Variants in SLC24A4 observed in about 807,000 individuals in gnomAD.
SLC24A4 encodes sodium/potassium/calcium exchanger 4.
Under a neutral mutation model 79.0 loss-of-function variants are expected in SLC24A4, and 53 were observed. That is an observed-to-expected ratio of 0.67 (90% CI 0.54 to 0.84). The LOEUF is 0.84. Ranked by LOEUF, SLC24A4 falls within the 40% of genes least tolerant of loss-of-function variation. The pLI is 0.00. For missense variants in SLC24A4, 731 were observed against 822.0 expected (o/e 0.89, Z 1.35); for synonymous variants, 323 against 323.8 (o/e 1.00, Z 0.03).
chr14:92,418,128 T>C lies in SLC24A4; in HGVS notation c.242-15784T>C, dbSNP rs374067236. Among the ~76,000 whole-genome samples the C allele has an allele frequency of 5.3e-5, 8 of 152,342 alleles. No homozygotes were observed. The East Asian group carries it at 1.5e-3, about 29-fold the overall frequency. Reference sequence around the variant, plus strand: ...CACTAAATCCTGGCCTGAGACTTCTTGCCTTGAGGCTACTCAGGGAATAGC... The same window carrying C: ...CACTAAATCCTGGCCTGAGACTTCTCGCCTTGAGGCTACTCAGGGAATAGC... On this transcript the variant is annotated intron_variant, in intron 2 of 16. Transcript: ENST00000532405.
At chr14:92,322,861 A>G (rs4144266), upstream of SLC24A4, among the ~76,000 whole-genome samples, 49,942 of 151,802 alleles carry the variant, frequency 0.33, 10,293 homozygotes, top group East Asian at 0.5. Flanking sequence ...GACAGGAGCG[A>G]CTACACTGCA....
At chr14:92,491,855 T>A in intron 15 of SLC24A4, 78 bp downstream of exon 15, 1 of 1,159,916 alleles carries the variant, frequency 8.6e-7, no homozygotes, top group Non-Finnish European at 1.3e-6. Context: ...CCAGAGGCTC[T>A]AGGAGACGAC....
intron 4 of SLC24A4, 85 bp downstream of exon 4, chr14:92,439,494 C>A: frequency 1.6e-6 from 2 of 1,254,044 alleles, no homozygotes; most frequent in Non-Finnish European, 2.3e-6. Context: ...CCAGGGCTGG[C>A]GTGGGGAGCA....
At position 92,341,563 on chromosome 14, in the gene SLC24A4, C is replaced by T. The variant is rs117691237; in HGVS notation, c.241+15585C>T. The stretch of plus-strand genomic sequence containing the variant: ...GCAAAGAGAGCTGTGTGAACAAGAG[C>T]ACTTGAGATGGTGTTGCAGCGACTC... On this transcript the variant is annotated intron_variant, in intron 2 of 16. Coordinates refer to ENST00000532405, the MANE Select transcript of SLC24A4 (RefSeq NM_153646.4). 7.4e-4 allele frequency among the ~76,000 whole-genome samples: 112 copies of T among 152,314 alleles called. 1 individual carries two copies. In the East Asian group the frequency reaches 0.019, roughly 26 times the overall value.
chr14:92,409,946 G>A (rs1051470467), intron 2 of SLC24A4, among the ~76,000 whole-genome samples: 2 of 152,158 alleles, frequency 1.3e-5, no homozygotes, highest in African/African-American at 2.4e-5. Flanking sequence ...CGCAGGAACA[G>A]AAAACCAAAT....
At chr14:92,492,046 A>G (rs775152069) in intron 15 of SLC24A4, 129 bp from the exon 16 acceptor site, 19 of 854,720 alleles carry the variant, frequency 2.2e-5, no homozygotes, top group Non-Finnish European at 3.2e-5. Context: ...CTCCACGACC[A>G]TGTGGTCACC....
intron 2 of SLC24A4, among the ~76,000 whole-genome samples, chr14:92,405,848 T>C (rs1890345627): frequency 6.6e-6 from 1 of 152,114 alleles, no homozygotes; most frequent in African/African-American, 2.4e-5. Flanking sequence ...ATCCCACCCT[T>C]GACCCCTCCC....
At chr14:92,335,491 A>G (rs899481460) in intron 2 of SLC24A4, among the ~76,000 whole-genome samples, 1 of 151,258 alleles carries the variant, frequency 6.6e-6, no homozygotes, top group Non-Finnish European at 1.5e-5. Context: ...AATAGCTGGG[A>G]TTACAGGCAT....
At chr14:92,485,774 A>G (rs1452899313) in intron 13 of SLC24A4, among the ~76,000 whole-genome samples, 1 of 152,208 alleles carries the variant, frequency 6.6e-6, no homozygotes, top group African/African-American at 2.4e-5. Context: ...CCATATGATT[A>G]AATCAGTTCT....
intron 2 of SLC24A4, among the ~76,000 whole-genome samples, chr14:92,354,548 C>G (rs185303239): frequency 1.3e-5 from 2 of 152,166 alleles, no homozygotes; most frequent in Non-Finnish European, 2.9e-5. Context: ...GAGGAAACAG[C>G]AAGTAGGCAA....
At chr14:92,453,014 C>T (rs1468771982) in intron 10 of SLC24A4, 1 of 152,284 alleles carries the variant, frequency 6.6e-6, no homozygotes, top group Non-Finnish European at 1.5e-5. Flanking sequence ...ACTCTGCCTG[C>T]TTCTGCATGC....
chr14:92,401,378 A>G (rs1890102727), intron 2 of SLC24A4, among the ~76,000 whole-genome samples: 1 of 152,220 alleles, frequency 6.6e-6, no homozygotes. Flanking sequence ...AGCAAATGGA[A>G]GCAAAATGTC....
chr14:92,393,417 C>T (rs1217154135), intron 2 of SLC24A4, among the ~76,000 whole-genome samples: 2 of 152,112 alleles, frequency 1.3e-5, no homozygotes, highest in African/African-American at 4.8e-5. Flanking sequence ...GCGTGGTTAC[C>T]AGCTGTCTCC....
At chr14:92,474,204 T>C (rs913407702) in intron 12 of SLC24A4, among the ~76,000 whole-genome samples, 2 of 152,196 alleles carry the variant, frequency 1.3e-5, no homozygotes, top group Non-Finnish European at 2.9e-5. Flanking sequence ...ATGATCACAT[T>C]CATTATGTGG....
intron 2 of SLC24A4, among the ~76,000 whole-genome samples, chr14:92,372,312 G>A (rs1161443704): frequency 1.3e-5 from 2 of 152,160 alleles, no homozygotes; most frequent in Non-Finnish European, 2.9e-5. Context: ...GTCCCATACT[G>A]AATAAATGGG....
chr14:92,471,011 A>C (rs1894415112), intron 12 of SLC24A4, among the ~76,000 whole-genome samples: 1 of 152,188 alleles, frequency 6.6e-6, no homozygotes, highest in Non-Finnish European at 1.5e-5. Context: ...CTAAGCTTAC[A>C]TCCCTTTGGG....
At chr14:92,338,111 G>A (rs563803448) in intron 2 of SLC24A4, among the ~76,000 whole-genome samples, 4 of 152,248 alleles carry the variant, frequency 2.6e-5, no homozygotes, top group Non-Finnish European at 2.9e-5. Context: ...GGGGCACAGA[G>A]GTACTCACTG....
At chr14:92,329,296 T>C (rs1002161279) in intron 2 of SLC24A4, among the ~76,000 whole-genome samples, 2 of 152,278 alleles carry the variant, frequency 1.3e-5, no homozygotes, top group African/African-American at 2.4e-5. Flanking sequence ...CTTTATTGCC[T>C]GTGCCTTCTC....
chr14:92,366,337 C>T (rs1887837855), intron 2 of SLC24A4, among the ~76,000 whole-genome samples: 1 of 152,158 alleles, frequency 6.6e-6, no homozygotes, highest in Non-Finnish European at 1.5e-5. Context: ...GGGTTGGAGT[C>T]CATCCCCTCG....
Sources: allele counts gnomAD v4.1 joint callset (sites outside exome capture counted in the v4.1 genomes callset), GRCh38; gene constraint gnomAD v4.1.1; transcripts MANE v1.5; gene names NCBI Gene and HGNC (gene_info 2026-07-23, HGNC 2026-07-21).